CSMD3: variants seen among roughly 807,000 people sequenced by gnomAD.
CSMD3 encodes the protein CUB and Sushi multiple domains 3, also known as CUB and sushi domain-containing protein 3.
In CSMD3, 177 loss-of-function variants were observed where a neutral mutation model predicts 435.2. That is an observed-to-expected ratio of 0.41 (90% CI 0.36 to 0.46). The LOEUF (loss-of-function observed/expected upper bound fraction) is 0.46, where lower values mean the gene tolerates loss of function less well. Among genes scored for constraint, CSMD3 ranks in the 20% least tolerant of loss-of-function variants. The pLI is 0.34. For synonymous variants in CSMD3, 1,656 were observed against 1,520.5 expected (o/e 1.09, Z -2.07); for missense variants, 4,265 against 4,504.6 (o/e 0.95, Z 1.52).
At chr8:113,273,281 T>C (rs935142097) in intron 3 of CSMD3, among the ~76,000 whole-genome samples, 1 of 152,098 alleles carries the variant, frequency 6.6e-6, no homozygotes, top group Non-Finnish European at 1.5e-5. Context: ...GCTAAACATT[T>C]TGAATACATT....
At chr8:112,291,722 T>A (rs536116083) in intron 55 of CSMD3, 27 bp from the exon 56 acceptor site, 238 of 1,504,170 alleles carry the variant, frequency 1.6e-4, no homozygotes, top group Non-Finnish European at 1.8e-4. Flanking sequence ...TTTTGAAACA[T>A]ATGTTTGGAA....
At chr8:113,278,130 C>T (rs949425229) in intron 3 of CSMD3, among the ~76,000 whole-genome samples, 49 of 151,914 alleles carry the variant, frequency 3.2e-4, no homozygotes, top group African/African-American at 1.2e-3. Context: ...TGTCCTCTTC[C>T]TGGTTTAAGG....
chr8:113,380,022 C>A (rs564334190), intron 1 of CSMD3, among the ~76,000 whole-genome samples: 1 of 152,190 alleles, frequency 6.6e-6, no homozygotes, highest in Non-Finnish European at 1.5e-5. Context: ...AATTCACTTC[C>A]CACCTCACTG....
intron 4 of CSMD3, among the ~76,000 whole-genome samples, chr8:113,127,978 A>G (rs887297611): frequency 2.6e-5 from 4 of 152,022 alleles, no homozygotes; most frequent in Non-Finnish European, 4.4e-5. Flanking sequence ...ATTCCTTACT[A>G]CACTCTTCAT....
intron 22 of CSMD3, among the ~76,000 whole-genome samples, chr8:112,627,153 G>A (rs767743659): frequency 6.6e-6 from 1 of 152,118 alleles, no homozygotes; most frequent in African/African-American, 2.4e-5. Flanking sequence ...TGGCAAAGTT[G>A]ATGAATATCA....
intron 6 of CSMD3, among the ~76,000 whole-genome samples, chr8:112,985,548 C>T (rs2085224625): frequency 1.3e-5 from 2 of 152,082 alleles, no homozygotes; most frequent in Non-Finnish European, 2.9e-5. Context: ...GTCACCAACC[C>T]CCAGGCCACG....
intron 5 of CSMD3, among the ~76,000 whole-genome samples, chr8:113,066,169 C>T (rs949678608): frequency 5.4e-5 from 8 of 147,522 alleles, no homozygotes; most frequent in East Asian, 3.9e-4. Context: ...GACAAAAAAG[C>T]GAGACAAATT....
At chr8:113,177,174 A>G (rs867552893) in intron 3 of CSMD3, among the ~76,000 whole-genome samples, 1 of 151,828 alleles carries the variant, frequency 6.6e-6, no homozygotes, top group Non-Finnish European at 1.5e-5. Flanking sequence ...TTGTTATCTC[A>G]ATGTGTTTTG....
intron 22 of CSMD3, among the ~76,000 whole-genome samples, chr8:112,628,455 A>AT (rs1834673074): frequency 6.6e-6 from 1 of 152,008 alleles, no homozygotes; most frequent in Non-Finnish European, 1.5e-5. Context: ...TTGTGTGTAA[A>AT]TAACCCACAG....
Position 112,968,584 on chromosome 8 carries a change from C to T in CSMD3, c.1342+7253G>A, listed in dbSNP as rs148597525. 5.9e-3 allele frequency among the ~76,000 whole-genome samples: 900 copies of T among 152,004 alleles called. 5 individuals carry two copies. The highest frequency in any genetic ancestry group is 0.019 in the African/African-American group (801 of 41,528). On this transcript the variant is annotated intron_variant, in intron 7 of 70. Coordinates refer to ENST00000297405, the MANE Select transcript of CSMD3 (RefSeq NM_198123.2). The stretch of plus-strand genomic sequence containing the variant: ...CAGAGGACAGATTTAATCTCTCTTA[C>T]ACAGAACAACATATCAAGCATTTCA...
chr8:112,529,955 CAGAT>C (rs1404487678), intron 27 of CSMD3, among the ~76,000 whole-genome samples: 1 of 151,842 alleles, frequency 6.6e-6, no homozygotes, highest in Non-Finnish European at 1.5e-5. Flanking sequence ...TTCCAACAAA[CAGAT>C]AGAAAATATA....
rs143509892 is a variant in CSMD3, at chr8:112,445,204, C to T, written c.5395+27387G>A. On this transcript the variant is annotated intron_variant, in intron 32 of 70. Coordinates refer to ENST00000297405, the MANE Select transcript of CSMD3 (RefSeq NM_198123.2). ...GTTGCAGTGAGCCAAGATTGCACCACCGCACTCCAGCCTCGTTGACAGAGT... is the reference window on the plus strand; with the variant it reads ...GTTGCAGTGAGCCAAGATTGCACCATCGCACTCCAGCCTCGTTGACAGAGT... 5.6e-3 allele frequency among the ~76,000 whole-genome samples: 847 copies of T among 152,182 alleles called. 13 individuals are homozygous for T. The highest frequency in any genetic ancestry group is 0.019 in the African/African-American group (809 of 41,512).
intron 37 of CSMD3, 144 bp from the exon 38 acceptor site, chr8:112,380,600 A>G (rs548385351): frequency 1.3e-5 from 8 of 620,082 alleles, no homozygotes; most frequent in East Asian, 1.1e-4. Context: ...TAATAGAAAT[A>G]TTTTTCTCAC....
chr8:113,123,445 C>T (rs2091040481), intron 4 of CSMD3, among the ~76,000 whole-genome samples: 1 of 152,058 alleles, frequency 6.6e-6, no homozygotes, highest in South Asian at 2.1e-4. Flanking sequence ...CCTTTGAACT[C>T]AGCCAGGTGA....
At chr8:113,354,405 G>A (rs551642747) in intron 1 of CSMD3, among the ~76,000 whole-genome samples, 11 of 152,224 alleles carry the variant, frequency 7.2e-5, no homozygotes, top group African/African-American at 2.2e-4. Context: ...AAGGAAGAAC[G>A]TTTGAGGTAT....
chr8:112,242,707 T>G (rs1814285268), intron 65 of CSMD3, among the ~76,000 whole-genome samples: 1 of 152,034 alleles, frequency 6.6e-6, no homozygotes, highest in African/African-American at 2.4e-5. Flanking sequence ...ATAAAAGAAA[T>G]GTATGAGTTT....
chr8:113,376,999 A>G, intron 1 of CSMD3: 1 of 1,021,526 alleles, frequency 9.8e-7, no homozygotes, highest in Non-Finnish European at 1.3e-6. Context: ...CCGGGCCCGC[A>G]GCCACATCTT....
intron 6 of CSMD3, among the ~76,000 whole-genome samples, chr8:112,996,266 C>G (rs1429131859): frequency 6.6e-6 from 1 of 151,500 alleles, no homozygotes; most frequent in East Asian, 1.9e-4. Flanking sequence ...AACCTCCGAC[C>G]CTAGCCCCTG....
chr8:113,258,064 T>C (rs898916434), intron 3 of CSMD3, among the ~76,000 whole-genome samples: 1 of 152,226 alleles, frequency 6.6e-6, no homozygotes, highest in African/African-American at 2.4e-5. Flanking sequence ...TAAGTCACTA[T>C]CTGAAGAATT....
Sources: allele counts gnomAD v4.1 joint callset (sites outside exome capture counted in the v4.1 genomes callset), GRCh38; gene constraint gnomAD v4.1.1; transcripts MANE v1.5; gene names NCBI Gene and HGNC (gene_info 2026-07-23, HGNC 2026-07-21).